Variants in ANAPC4 observed in about 807,000 individuals in gnomAD.
ANAPC4 encodes the protein anaphase-promoting complex subunit 4.
Under a neutral mutation model 119.8 loss-of-function variants are expected in ANAPC4, and 63 were observed. That is an observed-to-expected ratio of 0.53 (90% CI 0.43 to 0.65). ANAPC4 has a LOEUF of 0.65. ANAPC4 is among the 30% of genes least tolerant of loss of function. The probability of loss-of-function intolerance (pLI) is 0.00; values close to 1 mark genes in which losing one functional copy is unlikely to be tolerated. For missense variants in ANAPC4, 716 were observed against 945.1 expected (o/e 0.76, Z 3.18); for synonymous variants, 283 against 318.6 (o/e 0.89, Z 1.19).
At chr4:25,386,625 T>G (rs1056646180) in intron 4 of ANAPC4, among the ~76,000 whole-genome samples, 1 of 152,102 alleles carries the variant, frequency 6.6e-6, no homozygotes, top group African/African-American at 2.4e-5. Context: ...ATGAAAAAAA[T>G]TGCAGTATTG....
At chr4:25,395,502 T>C (rs1314965244) in intron 14 of ANAPC4, 1 of 152,550 alleles carries the variant, frequency 6.6e-6, no homozygotes, top group Non-Finnish European at 1.5e-5. Flanking sequence ...GAGGCTGGAG[T>C]GCAGTGATGT....
Position 25,416,447 on chromosome 4 carries a change from C to T in ANAPC4, c.1924C>T (p.Gln642Ter). ...RRSIYSCLDAQFYDDETVTVV... is the reference protein window; with the variant it reads ...RRSIYSCLDA ...TAGCATCTACAGTTGTTTAGATGCA[C>T]AGTTTTATGATGATGAAACTGTAAC... The change falls in exon 27 of 29, where the codon CAG becomes TAG. Residue 642 changes from glutamine to a stop codon, truncating the protein, a stop_gained. Coordinates refer to ENST00000315368, the MANE Select transcript of ANAPC4 (RefSeq NM_013367.3). LOFTEE classifies it high-confidence loss of function. 1 of 1,547,838 alleles carries T rather than the reference C, an allele frequency of 6.5e-7. No homozygotes were observed. Among genetic ancestry groups the T allele is most frequent in the Non-Finnish European group, 8.8e-7 (1 of 1,139,576 alleles).
intron 21 of ANAPC4, among the ~76,000 whole-genome samples, chr4:25,412,175 A>G (rs563553219): frequency 1.1e-4 from 16 of 152,332 alleles, no homozygotes; most frequent in African/African-American, 3.6e-4. Flanking sequence ...GAACAGCCAC[A>G]TAGAAGTGCT....
intron 11 of ANAPC4, among the ~76,000 whole-genome samples, chr4:25,394,104 G>C (rs1722505187): frequency 6.6e-6 from 1 of 152,230 alleles, no homozygotes; most frequent in South Asian, 2.1e-4. Flanking sequence ...GGATTGTGAA[G>C]TGGAGCTGGT....
At chr4:25,413,525 A>T (rs1560448472) in intron 21 of ANAPC4, 120 bp from the exon 22 acceptor site, 2 of 651,946 alleles carry the variant, frequency 3.1e-6, no homozygotes, top group Non-Finnish European at 5.1e-6. Flanking sequence ...TGAAGTGGTC[A>T]GTGAAAATTC....
At chr4:25,410,986 G>C (rs1223640390) in intron 21 of ANAPC4, among the ~76,000 whole-genome samples, 1 of 131,452 alleles carries the variant, frequency 7.6e-6, no homozygotes, top group Non-Finnish European at 1.6e-5. Flanking sequence ...ACTTGTATTT[G>C]GTTGCTGCTT....
intron 20 of ANAPC4, among the ~76,000 whole-genome samples, chr4:25,408,617 G>A (rs755181183): frequency 1.3e-5 from 2 of 151,192 alleles, no homozygotes; most frequent in South Asian, 2.1e-4. Context: ...TCCACCTCTC[G>A]GACTCGCCTC....
In ANAPC4 at chr4:25,395,090, T is replaced by C. The variant is rs1232918616; in HGVS notation, c.1061+185T>C. The C allele has an allele frequency of 9.5e-6, 5 of 525,574 alleles. No individual in the cohort carries two copies. The East Asian group carries it at 1.3e-4, about 13-fold the overall frequency. The allele number at this position is 525,574 out of a possible 1,614,324, so 32.6% of individuals were successfully genotyped here. On this transcript the variant is annotated intron_variant, in intron 14 of 28. Coordinates refer to ENST00000315368, the MANE Select transcript of ANAPC4 (RefSeq NM_013367.3). ...GAAAGAGTCAATAATAATTCTGCTT[T>C]ATGAAGTAATTTTCCAACATCTTTT...
At chr4:25,411,373 C>T (rs1053850177) in intron 21 of ANAPC4, among the ~76,000 whole-genome samples, 2 of 151,906 alleles carry the variant, frequency 1.3e-5, no homozygotes, top group African/African-American at 2.4e-5. Flanking sequence ...CCACATCTTA[C>T]GTGTTTGAAT....
Position 25,409,734 on chromosome 4 carries a change from C to A in ANAPC4, c.1468C>A (p.Pro490Thr), listed in dbSNP as rs372887745. 1 of 1,613,148 alleles carries A rather than the reference C, an allele frequency of 6.2e-7. No individual in the cohort carries two copies. Among genetic ancestry groups the A allele is most frequent in the Non-Finnish European group, 8.5e-7 (1 of 1,179,432 alleles). The change falls in exon 21 of 29, where the codon CCT (proline) becomes ACT (threonine). Residue 490 changes from proline to threonine, a missense_variant. By Grantham distance (38) the Pro-to-Thr change is conservative. Transcript: ENST00000315368. Reference sequence around the variant, plus strand: ...TGAAGATGATGATCTTGTGTCACCCCCTAACACAGAAGGAAACCAGTGGTA... The same window carrying A: ...TGAAGATGATGATCTTGTGTCACCCACTAACACAGAAGGAAACCAGTGGTA... ...KDEDDDLVSPPNTEGNQWYDF... is the reference protein window; with the variant it reads ...KDEDDDLVSPTNTEGNQWYDF...
In ANAPC4 at chr4:25,405,643, A is replaced by T. The variant is rs1347514411; in HGVS notation, c.1317+24A>T. On this transcript the variant is annotated intron_variant, in intron 18 of 28. Transcript: ENST00000315368. This position sits in a 1 kb window ranked among gnomAD's most constrained non-coding sequence, Gnocchi z 4.6. ...AGGTAGTATGTACTAGTGCATTTTC[A>T]CAGTGTTCACATTGTCCTGCTTGAA... 1 of 1,610,892 alleles carries T rather than the reference A, an allele frequency of 6.2e-7. No individual in the cohort carries two copies. Among genetic ancestry groups the T allele is most frequent in the East Asian group, 2.2e-5 (1 of 44,836 alleles).
intron 3 of ANAPC4, among the ~76,000 whole-genome samples, chr4:25,381,038 A>C (rs1240859904): frequency 6.6e-6 from 1 of 152,182 alleles, no homozygotes; most frequent in Non-Finnish European, 1.5e-5. Context: ...TTTTCCATGT[A>C]ATGTTTTTAC....
At position 25,413,681 on chromosome 4, in the gene ANAPC4, C is replaced by T; in HGVS notation, c.1562C>T (p.Ser521Leu). 6.2e-7 allele frequency: 1 copy of T among 1,613,456 alleles called. No homozygotes were observed. The highest frequency in any genetic ancestry group is 8.5e-7 in the Non-Finnish European group (1 of 1,179,676). The change falls in exon 22 of 29, where the codon TCA becomes TTA. Residue 521 changes from serine to leucine, a missense_variant. Coordinates refer to ENST00000315368, the MANE Select transcript of ANAPC4 (RefSeq NM_013367.3). ...CTGTTTCCTTATTATCCTCGAAAAT[C>T]ATTGCATTTTGTGAAAAGGCGGATG... ...PLLFPYYPRK[S>L]LHFVKRRMEN...
chr4:25,406,014 G>A (rs1723229931), intron 18 of ANAPC4, among the ~76,000 whole-genome samples: 1 of 152,166 alleles, frequency 6.6e-6, no homozygotes, highest in Admixed American at 6.5e-5. Context: ...AGGAAGGAAG[G>A]ATTCCTGTAA....
At chr4:25,385,429 G>A (rs2109113433) in intron 4 of ANAPC4, among the ~76,000 whole-genome samples, 1 of 152,298 alleles carries the variant, frequency 6.6e-6, no homozygotes, top group Admixed American at 6.5e-5. Context: ...TGGAAGTTCT[G>A]TATAACTTGT....
intron 21 of ANAPC4, among the ~76,000 whole-genome samples, chr4:25,410,174 T>C (rs1438012755): frequency 2.6e-5 from 4 of 152,134 alleles, no homozygotes; most frequent in African/African-American, 9.7e-5. Context: ...CCTCGGGTTG[T>C]AGTTGGTGTG....
rs1399343906 is a variant in ANAPC4 at position 25,388,650 on chromosome 4, C to T, written c.444-67C>T. On this transcript the variant is annotated intron_variant, in intron 5 of 28. Transcript: ENST00000315368. ...CTGCTTTTAACACTGTGACAATTTT[C>T]TCATGCGTTTTAAAATATGTATTTT... is the stretch of plus-strand genomic sequence containing the variant. The T allele has an allele frequency of 2.6e-6, 4 of 1,558,926 alleles. No individual in the cohort carries two copies. The Admixed American group carries it at 7.1e-5, about 28-fold the overall frequency.
intron 21 of ANAPC4, among the ~76,000 whole-genome samples, chr4:25,412,079 T>C (rs1723599903): frequency 1.3e-5 from 2 of 152,066 alleles, no homozygotes; most frequent in African/African-American, 4.8e-5. Context: ...CCCTTTCAGG[T>C]TGGATAATTT....
At chr4:25,413,770 G>A (rs1318601010) in intron 22 of ANAPC4, 28 bp downstream of exon 22, 10 of 1,531,856 alleles carry the variant, frequency 6.5e-6, no homozygotes, top group Non-Finnish European at 9.0e-6. Context: ...GCATGTCTTT[G>A]TGTAGGAGCA....
Sources: allele counts gnomAD v4.1 joint callset (sites outside exome capture counted in the v4.1 genomes callset), GRCh38; gene constraint gnomAD v4.1.1; non-coding constraint Gnocchi (gnomAD v3.1); transcripts MANE v1.5; gene names NCBI Gene and HGNC (gene_info 2026-07-23, HGNC 2026-07-21).